COBL: variants seen among roughly 807,000 people sequenced by gnomAD.
COBL encodes cordon-bleu WH2 repeat protein.
A neutral mutation model predicts 98.8 loss-of-function variants in COBL; 51 were observed. The ratio of observed to expected loss-of-function variants is 0.52; its 90% CI spans 0.41 to 0.65. COBL has a LOEUF of 0.65. Among genes scored for constraint, COBL ranks in the 30% least tolerant of loss-of-function variants. COBL has a pLI of 0.00. For missense variants in COBL, 1,617 were observed against 1,617.5 expected, an observed-to-expected ratio of 1.00 and a Z score of 0.01; for synonymous variants, 634 against 651.7, an observed-to-expected ratio of 0.97 and a Z score of 0.41.
chr7:51,073,742 T>C (rs1471541330), intron 7 of COBL, among the ~76,000 whole-genome samples: 1 of 152,196 alleles, frequency 6.6e-6, no homozygotes, highest in Admixed American at 6.5e-5. Flanking sequence ...AAGTCATTTA[T>C]TTCTTACCTC....
chr7:51,160,159 T>C (rs921337411), intron 5 of COBL, among the ~76,000 whole-genome samples: 6 of 152,218 alleles, frequency 3.9e-5, no homozygotes, highest in African/African-American at 1.2e-4. Context: ...CCCAAAGTGC[T>C]GGGATTACAG....
chr7:51,311,984 T>C (rs374590956), intron 1 of COBL, among the ~76,000 whole-genome samples: 1 of 150,650 alleles, frequency 6.6e-6, no homozygotes, highest in East Asian at 1.9e-4. Flanking sequence ...TAATTAAATG[T>C]GGATGGGGAG....
At chr7:51,089,719 TTG>T in intron 6 of COBL, among the ~76,000 whole-genome samples, 1 of 152,174 alleles carries the variant, frequency 6.6e-6, no homozygotes, top group East Asian at 1.9e-4. Flanking sequence ...CAAGTAAACA[TTG>T]TGTGTGTGTA....
At chr7:51,073,206 T>C (rs376014607) in intron 7 of COBL, 27 of 432,638 alleles carry the variant, frequency 6.2e-5, no homozygotes, top group African/African-American at 1.4e-4. Context: ...TGCATTTATA[T>C]GTAAACCCCA....
intron 6 of COBL, among the ~76,000 whole-genome samples, chr7:51,114,320 C>T (rs1797091919): frequency 6.6e-6 from 1 of 151,778 alleles, no homozygotes; most frequent in Admixed American, 6.6e-5. Context: ...CTGCCCCTTC[C>T]TCACTGTTAT....
chr7:51,224,869 C>T (rs1179152302), intron 1 of COBL, among the ~76,000 whole-genome samples: 1 of 152,070 alleles, frequency 6.6e-6, no homozygotes, highest in East Asian at 1.9e-4. Flanking sequence ...GGGGTTACAC[C>T]ATGTTGGTCA....
At chr7:51,069,433 G>T (rs924330502) in intron 7 of COBL, among the ~76,000 whole-genome samples, 1 of 152,258 alleles carries the variant, frequency 6.6e-6, no homozygotes, top group Non-Finnish European at 1.5e-5. Flanking sequence ...CTTAGCCTGG[G>T]TGTTAGCTGT....
In COBL at chr7:51,030,874, TC is replaced by T; in HGVS notation, c.1441del (p.Glu481LysfsTer4). ...EKAVTASNDEEDLLIAGEFRK... is the reference protein window; with the variant it reads ...EKAVTASNDEXDLLIAGEFRK... ...GAACTCTCCAGCAATTAATAGGTCT[TC>T]TTCATCATTTGAGGCTGTGACAGCT... On this transcript the variant is annotated frameshift_variant, in exon 9 of 13. Coordinates refer to ENST00000265136, the MANE Select transcript of COBL (RefSeq NM_015198.5). LOFTEE classifies it high-confidence loss of function. The T allele has an allele frequency of 6.6e-7, 1 of 1,523,216 alleles. No homozygotes were observed. The highest frequency in any genetic ancestry group is 8.7e-7 in the Non-Finnish European group (1 of 1,144,774). 94.4% of individuals were successfully genotyped at this position (1,523,216 alleles called of 1,614,324 possible).
intron 2 of COBL, among the ~76,000 whole-genome samples, chr7:51,205,934 G>T (rs4948200): frequency 1.3e-5 from 2 of 152,076 alleles, no homozygotes; most frequent in South Asian, 4.1e-4. Context: ...CATACAAATG[G>T]TCAACAGGTA....
rs144643480 is a variant in COBL at position 51,295,208 on chromosome 7, C to A, written c.41+21385G>T. 5.7e-3 allele frequency among the ~76,000 whole-genome samples: 864 copies of A among 151,650 alleles called. 3 individuals carry two copies. Among genetic ancestry groups the A allele is most frequent in the African/African-American group, 0.02 (833 of 41,260 alleles). ...GGCTGAGGAGGGAGAATCGCTTGAA[C>A]CGGGGAGGCAGAGGTTGTCGTGAGC... On this transcript the variant is annotated intron_variant, in intron 1 of 12. Coordinates refer to ENST00000265136, the MANE Select transcript of COBL (RefSeq NM_015198.5).
chr7:51,178,153 T>A (rs999666258), intron 5 of COBL, among the ~76,000 whole-genome samples: 2 of 152,016 alleles, frequency 1.3e-5, no homozygotes, highest in African/African-American at 4.8e-5. Flanking sequence ...TCTCTCACTC[T>A]CTGTCTCTCT....
intron 5 of COBL, among the ~76,000 whole-genome samples, chr7:51,156,780 T>C (rs567982638): frequency 2.6e-5 from 4 of 151,546 alleles, no homozygotes; most frequent in Admixed American, 2.0e-4. Flanking sequence ...AATCACTAAA[T>C]GGAACTGCTG....
intron 1 of COBL, among the ~76,000 whole-genome samples, chr7:51,251,341 T>C (rs1423973983): frequency 6.6e-6 from 1 of 152,188 alleles, no homozygotes; most frequent in Admixed American, 6.5e-5. Flanking sequence ...GGGTGAAGGC[T>C]GAATGTTAAC....
At chr7:51,041,476 TC>T (rs1789183765) in intron 8 of COBL, among the ~76,000 whole-genome samples, 1 of 128,716 alleles carries the variant, frequency 7.8e-6, no homozygotes, top group Non-Finnish European at 1.6e-5. Flanking sequence ...CTTATTTCTT[TC>T]CTTTTTTTTT....
intron 6 of COBL, among the ~76,000 whole-genome samples, chr7:51,117,561 G>C (rs955273985): frequency 6.6e-5 from 10 of 151,816 alleles, no homozygotes; most frequent in Admixed American, 5.2e-4. Flanking sequence ...CTTATTTATA[G>C]TTCTTATTAA....
rs554257688 is a variant in COBL at position 51,084,043 on chromosome 7, T to G, written c.1096+1123A>C. 5.9e-5 allele frequency among the ~76,000 whole-genome samples: 9 copies of G among 152,306 alleles called. No individual in the cohort carries two copies. The East Asian group carries it at 1.7e-3, about 29-fold the overall frequency. On this transcript the variant is annotated intron_variant, in intron 7 of 12. Coordinates refer to ENST00000265136, the MANE Select transcript of COBL (RefSeq NM_015198.5). ...GAGAAAACCAGGTTTATTTTAATGA[T>G]CCACTGATAATGTTTTCTTTCAGTC...
At chr7:51,254,358 A>T (rs1797016004) in intron 1 of COBL, among the ~76,000 whole-genome samples, 1 of 152,206 alleles carries the variant, frequency 6.6e-6, no homozygotes, top group Admixed American at 6.5e-5. Flanking sequence ...CTGGTACAGA[A>T]GTATTATTTG....
At chr7:51,162,139 G>A (rs1459323071) in intron 5 of COBL, among the ~76,000 whole-genome samples, 8 of 152,138 alleles carry the variant, frequency 5.3e-5, no homozygotes, top group Non-Finnish European at 1.0e-4. Context: ...GTCCAGATGT[G>A]TGGGATGACG....
chr7:51,316,299 G>A (rs1803581918), intron 1 of COBL: 2 of 266,868 alleles, frequency 7.5e-6, no homozygotes, highest in African/African-American at 2.2e-5. Context: ...GGCTGTGCTG[G>A]CGGGGACCCC....
Sources: gnomAD v4.1 joint callset for allele counts (sites outside exome capture counted in the v4.1 genomes callset) on GRCh38, gnomAD v4.1.1 for gene constraint, MANE v1.5 for transcripts, NCBI Gene and HGNC (gene_info 2026-07-23, HGNC 2026-07-21) for gene names.